ATRNL1: variants seen among roughly 807,000 people sequenced by gnomAD.
The protein encoded by ATRNL1 is attractin-like protein 1.
In ATRNL1, 95 loss-of-function variants were observed where a neutral mutation model predicts 182.7. The ratio of observed to expected loss-of-function variants is 0.52; its 90% CI spans 0.44 to 0.62. ATRNL1 has a LOEUF of 0.62. Among genes scored for constraint, ATRNL1 ranks in the 20% least tolerant of loss-of-function variants. The pLI, the probability that ATRNL1 is intolerant of heterozygous loss-of-function variation, is 0.00. For synonymous variants in ATRNL1, 576 were observed against 568.3 expected (o/e 1.01, Z -0.19); for missense variants, 1,471 against 1,679.5 (o/e 0.88, Z 2.17).
chr10:115,177,925 T>TG (rs1847592411), intron 8 of ATRNL1, among the ~76,000 whole-genome samples: 4 of 24,766 alleles, frequency 1.6e-4, no homozygotes, highest in South Asian at 1.1e-3. Flanking sequence ...TTTTTTTTTG[T>TG]TTTTTTTTTT....
chr10:115,217,082 T>C (rs1194411483), intron 9 of ATRNL1, among the ~76,000 whole-genome samples: 1 of 151,728 alleles, frequency 6.6e-6, no homozygotes, highest in African/African-American at 2.4e-5. Context: ...AACATGTATT[T>C]AATTTAATTT....
At chr10:115,158,006 C>T (rs1846602631) in intron 5 of ATRNL1, among the ~76,000 whole-genome samples, 1 of 151,638 alleles carries the variant, frequency 6.6e-6, no homozygotes. Flanking sequence ...GGGTGGTGGC[C>T]TGTTTTTAAT....
At chr10:115,881,194 C>A (rs1204252410) in intron 28 of ATRNL1, among the ~76,000 whole-genome samples, 4 of 152,188 alleles carry the variant, frequency 2.6e-5, no homozygotes, top group African/African-American at 9.7e-5. Context: ...GGGTAGGCTG[C>A]GTATCCAGCT....
chr10:115,781,677 A>G (rs1555079352), intron 27 of ATRNL1, among the ~76,000 whole-genome samples: 1 of 152,212 alleles, frequency 6.6e-6, no homozygotes, highest in African/African-American at 2.4e-5. Context: ...TGCCTGGAAG[A>G]GGGAATAAGG....
At chr10:115,207,877 A>G (rs1592260792) in intron 8 of ATRNL1, among the ~76,000 whole-genome samples, 1 of 152,018 alleles carries the variant, frequency 6.6e-6, no homozygotes, top group Middle Eastern at 3.4e-3. Context: ...TGCATTTCTC[A>G]GTTTCATGGA....
chr10:115,462,769 C>A (rs1847879200), intron 22 of ATRNL1, among the ~76,000 whole-genome samples: 1 of 151,990 alleles, frequency 6.6e-6, no homozygotes, highest in South Asian at 2.1e-4. Flanking sequence ...AATGAAATTA[C>A]CACATCACTG....
chr10:115,856,449 A>AAAAAAAAAAAAAAAAAAC (rs1565439910), intron 28 of ATRNL1, among the ~76,000 whole-genome samples: 1 of 147,860 alleles, frequency 6.8e-6, no homozygotes, highest in African/African-American at 2.5e-5. Context: ...AAAAAAAAAA[A>AAAAAAAAAAAAAAAAAAC]AGCCATACAT....
At chr10:115,626,355 A>G (rs1395220081) in intron 26 of ATRNL1, among the ~76,000 whole-genome samples, 1 of 152,162 alleles carries the variant, frequency 6.6e-6, no homozygotes, top group African/African-American at 2.4e-5. Flanking sequence ...TTCATTTTAA[A>G]CATCAGCTGT....
chr10:115,263,065 GA>G (rs373089593), intron 10 of ATRNL1, among the ~76,000 whole-genome samples: 1,790 of 151,794 alleles, frequency 0.012, 33 homozygotes, highest in African/African-American at 0.04. Flanking sequence ...CTTGTAATAG[GA>G]AAAAAATCTT....
chr10:115,626,551 T>A (rs1246710305), intron 26 of ATRNL1, among the ~76,000 whole-genome samples: 3 of 152,214 alleles, frequency 2.0e-5, no homozygotes, highest in African/African-American at 7.2e-5. Flanking sequence ...AGTCCTTGGA[T>A]AATGTTTAAT....
chr10:115,642,478 T>C (rs1859318256), intron 26 of ATRNL1, among the ~76,000 whole-genome samples: 1 of 151,804 alleles, frequency 6.6e-6, no homozygotes, highest in Non-Finnish European at 1.5e-5. Context: ...AGTTTTGCTC[T>C]TGTGGCCCAG....
At position 115,592,256 on chromosome 10, in the gene ATRNL1, A is replaced by C. The variant is rs376016830; in HGVS notation, c.3795+42720A>C. 9.9e-5 allele frequency among the ~76,000 whole-genome samples: 15 copies of C among 152,254 alleles called. No individual in the cohort carries two copies. In the East Asian group the frequency reaches 2.1e-3, roughly 22 times the overall value. On this transcript the variant is annotated intron_variant, in intron 26 of 28. Coordinates refer to ENST00000355044, the MANE Select transcript of ATRNL1 (RefSeq NM_207303.4). ...TGGATGATGGGATCAGTATACCCCA[A>C]ACCTTAGCATTGTGCAATATACCCA... is the stretch of plus-strand genomic sequence containing the variant.
chr10:115,494,084 A>G (rs1277664786), intron 24 of ATRNL1, among the ~76,000 whole-genome samples: 1 of 152,066 alleles, frequency 6.6e-6, no homozygotes, highest in Non-Finnish European at 1.5e-5. Flanking sequence ...TAATATGCTG[A>G]TAGTTTCTTT....
intron 27 of ATRNL1, among the ~76,000 whole-genome samples, chr10:115,760,464 G>A (rs12262493): frequency 0.023 from 3,558 of 151,998 alleles, 125 homozygotes; most frequent in African/African-American, 0.081. Flanking sequence ...AAGTCTAGAA[G>A]ACTTTTAAAA....
chr10:115,574,229 T>C (rs1374632540), intron 26 of ATRNL1, among the ~76,000 whole-genome samples: 1 of 150,968 alleles, frequency 6.6e-6, no homozygotes, highest in African/African-American at 2.4e-5. Flanking sequence ...ACTACAGCAA[T>C]ATATATAACT....
At chr10:115,515,928 C>G (rs1850615346) in intron 24 of ATRNL1, among the ~76,000 whole-genome samples, 1 of 151,832 alleles carries the variant, frequency 6.6e-6, no homozygotes, top group African/African-American at 2.4e-5. Context: ...TTTCCTCCCA[C>G]CTACCTTTCC....
intron 28 of ATRNL1, among the ~76,000 whole-genome samples, chr10:115,940,443 G>A (rs1953692817): frequency 6.6e-6 from 1 of 152,202 alleles, no homozygotes; most frequent in Non-Finnish European, 1.5e-5. Flanking sequence ...TTATAGCTCG[G>A]TTTCCTGAGC....
chr10:115,287,744 A>G (rs1447357624), intron 15 of ATRNL1, among the ~76,000 whole-genome samples: 1 of 152,070 alleles, frequency 6.6e-6, no homozygotes, highest in Admixed American at 6.5e-5. Flanking sequence ...ATTTGAAACT[A>G]TGTGATATAT....
chr10:115,452,645 A>T (rs1393913951), intron 21 of ATRNL1, among the ~76,000 whole-genome samples: 1 of 152,158 alleles, frequency 6.6e-6, no homozygotes, highest in Non-Finnish European at 1.5e-5. Flanking sequence ...CACAATCAAG[A>T]CTATAAATAT....
Sources: allele counts gnomAD v4.1 joint callset (sites outside exome capture counted in the v4.1 genomes callset), GRCh38; gene constraint gnomAD v4.1.1; transcripts MANE v1.5; gene names NCBI Gene and HGNC (gene_info 2026-07-23, HGNC 2026-07-21).